The following EXOC4 variants were observed in gnomAD, a reference collection of about 807,000 sequenced individuals.
The protein encoded by EXOC4 is SEC8-like 1.
A neutral mutation model predicts 107.2 loss-of-function variants in EXOC4; 71 were observed. The observed-to-expected ratio is 0.66, with a 90% CI of 0.55 to 0.81. The LOEUF (loss-of-function observed/expected upper bound fraction) is 0.81, where lower values mean the gene tolerates loss of function less well. Among genes scored for constraint, EXOC4 ranks in the 30% least tolerant of loss-of-function variants. The probability of loss-of-function intolerance (pLI) is 0.00; values close to 1 mark genes in which losing one functional copy is unlikely to be tolerated. For synonymous variants in EXOC4, 456 were observed against 441.2 expected (o/e 1.03, Z -0.42); for missense variants, 1,108 against 1,189.6 (o/e 0.93, Z 1.01).
chr7:133,594,181 G>T (rs1396105293), intron 9 of EXOC4, among the ~76,000 whole-genome samples: 1 of 152,156 alleles, frequency 6.6e-6, no homozygotes, highest in Non-Finnish European at 1.5e-5. Context: ...AGTATCTGTT[G>T]CTTCCCATTA....
intron 17 of EXOC4, among the ~76,000 whole-genome samples, chr7:134,030,804 C>T (rs940856643): frequency 1.3e-5 from 2 of 151,778 alleles, no homozygotes; most frequent in African/African-American, 4.8e-5. Flanking sequence ...TTGTTATCGA[C>T]CCTTTGCTGT....
chr7:133,551,476 C>CT (rs1800588286), intron 9 of EXOC4: 1 of 151,868 alleles, frequency 6.6e-6, no homozygotes, highest in African/African-American at 2.4e-5. Context: ...AAATTGCTCT[C>CT]TTTTTTGGAA....
At chr7:133,448,400 C>A (rs964311836) in intron 7 of EXOC4, among the ~76,000 whole-genome samples, 4 of 152,034 alleles carry the variant, frequency 2.6e-5, no homozygotes, top group African/African-American at 9.7e-5. Context: ...TGGGCTTAAG[C>A]AATCCTCTCA....
chr7:133,563,937 T>C (rs1213445328), intron 9 of EXOC4, among the ~76,000 whole-genome samples: 1 of 152,226 alleles, frequency 6.6e-6, no homozygotes, highest in Non-Finnish European at 1.5e-5. Context: ...TTGGGCATAA[T>C]TCTGCAGAGT....
intron 10 of EXOC4, among the ~76,000 whole-genome samples, chr7:133,678,636 G>T: frequency 6.6e-6 from 1 of 150,702 alleles, no homozygotes. Flanking sequence ...GTTGAGACAG[G>T]TTCTTGCTGT....
chr7:133,380,560 CTA>C (rs1176374588), intron 7 of EXOC4, among the ~76,000 whole-genome samples: 3 of 152,130 alleles, frequency 2.0e-5, no homozygotes, highest in Admixed American at 6.6e-5. Flanking sequence ...AGGTACTGAT[CTA>C]CTTTTTGGAA....
At chr7:133,958,325 A>G (rs1288436986) in intron 14 of EXOC4, among the ~76,000 whole-genome samples, 3 of 151,778 alleles carry the variant, frequency 2.0e-5, no homozygotes, top group African/African-American at 7.3e-5. Context: ...AATGTCTTAT[A>G]GTACTGGGAC....
chr7:133,950,534 T>C (rs1263847676), intron 14 of EXOC4, among the ~76,000 whole-genome samples: 1 of 152,210 alleles, frequency 6.6e-6, no homozygotes, highest in Non-Finnish European at 1.5e-5. Context: ...GGTCTGCTCC[T>C]CTGTCCAAGA....
intron 10 of EXOC4, among the ~76,000 whole-genome samples, chr7:133,642,483 G>C (rs144536742): frequency 2.9e-4 from 44 of 152,278 alleles, no homozygotes; most frequent in African/African-American, 1.0e-3. Context: ...CTACTTAGAA[G>C]ATCCTTGTCC....
chr7:133,722,996 T>A (rs997038268), intron 10 of EXOC4, among the ~76,000 whole-genome samples: 1 of 152,252 alleles, frequency 6.6e-6, no homozygotes, highest in Non-Finnish European at 1.5e-5. Flanking sequence ...AGAGAAAAAT[T>A]CCTCTATGAG....
intron 17 of EXOC4, among the ~76,000 whole-genome samples, chr7:134,012,152 G>A (rs939256815): frequency 3.3e-5 from 5 of 152,146 alleles, no homozygotes; most frequent in African/African-American, 1.2e-4. Flanking sequence ...TTTGCATGAG[G>A]TAGGAAGCTA....
At chr7:133,420,494 G>T (rs1486736218) in intron 7 of EXOC4, among the ~76,000 whole-genome samples, 2 of 152,070 alleles carry the variant, frequency 1.3e-5, no homozygotes, top group Non-Finnish European at 2.9e-5. Context: ...GGTTCTGCTA[G>T]CTTCAGAGTC....
chr7:133,278,883 T>C (rs540080677), intron 2 of EXOC4, among the ~76,000 whole-genome samples: 2 of 152,290 alleles, frequency 1.3e-5, no homozygotes, highest in African/African-American at 4.8e-5. Context: ...GTTTGTTACA[T>C]ATGTATACAT....
chr7:133,485,522 T>C (rs1799252718), intron 9 of EXOC4, among the ~76,000 whole-genome samples: 1 of 152,104 alleles, frequency 6.6e-6, no homozygotes, highest in Non-Finnish European at 1.5e-5. Context: ...TTCTCATTGT[T>C]GTCTAACCTT....
At chr7:133,680,340 T>A (rs1297661998) in intron 10 of EXOC4, among the ~76,000 whole-genome samples, 1 of 152,184 alleles carries the variant, frequency 6.6e-6, no homozygotes, top group Non-Finnish European at 1.5e-5. Context: ...ACAATATAGT[T>A]AACACTTAAA....
intron 9 of EXOC4, 142 bp from the exon 10 acceptor site, chr7:133,629,903 A>G: frequency 1.7e-6 from 1 of 602,084 alleles, no homozygotes; most frequent in South Asian, 2.2e-5. Flanking sequence ...AGTCATTCAA[A>G]ATAATTTCGT....
intron 1 of EXOC4, among the ~76,000 whole-genome samples, chr7:133,267,146 G>A (rs1793749156): frequency 6.6e-6 from 1 of 152,080 alleles, no homozygotes; most frequent in Admixed American, 6.6e-5. Context: ...GGAAGAGGTG[G>A]GATATAATTA....
At chr7:133,520,956 A>G (rs1799967119) in intron 9 of EXOC4, among the ~76,000 whole-genome samples, 1 of 152,170 alleles carries the variant, frequency 6.6e-6, no homozygotes, top group Non-Finnish European at 1.5e-5. Flanking sequence ...TTGCAGGATG[A>G]TTACTGTTGG....
At chr7:133,782,366 A>G (rs1176227627) in intron 10 of EXOC4, among the ~76,000 whole-genome samples, 1 of 152,184 alleles carries the variant, frequency 6.6e-6, no homozygotes. Flanking sequence ...TTCTTGGATT[A>G]TTTCACATCA....
Sources: allele counts gnomAD v4.1 joint callset (sites outside exome capture counted in the v4.1 genomes callset), GRCh38; gene constraint gnomAD v4.1.1; transcripts MANE v1.5; gene names NCBI Gene and HGNC (gene_info 2026-07-23, HGNC 2026-07-21).